GCSAML: variants seen among roughly 807,000 people sequenced by gnomAD.
GCSAML encodes the protein germinal center associated signaling and motility like.
Under a neutral mutation model 13.0 loss-of-function variants are expected in GCSAML, and 9 were observed. The observed-to-expected ratio is 0.69, with a 90% CI of 0.42 to 1.21. The LOEUF is 1.21. Among genes scored for constraint, GCSAML ranks in the 50% most tolerant of loss-of-function variants. GCSAML has a pLI of 0.00. For missense variants in GCSAML, 143 were observed against 153.4 expected, an observed-to-expected ratio of 0.93 and a Z score of 0.36; for synonymous variants, 37 against 52.9, an observed-to-expected ratio of 0.70 and a Z score of 1.31.
intron 1 of GCSAML, among the ~76,000 whole-genome samples, chr1:247,509,333 T>C (rs1665931453): frequency 6.6e-6 from 1 of 152,216 alleles, no homozygotes; most frequent in Non-Finnish European, 1.5e-5. Flanking sequence ...ATAGAAATGC[T>C]TGTGAGTTTT....
At chr1:247,535,507 A>C (rs1667185032) in intron 2 of GCSAML, among the ~76,000 whole-genome samples, 1 of 152,212 alleles carries the variant, frequency 6.6e-6, no homozygotes, top group Non-Finnish European at 1.5e-5. Flanking sequence ...CAACAGGTTA[A>C]ACTGACAACT....
intron 1 of GCSAML, among the ~76,000 whole-genome samples, chr1:247,522,219 G>A (rs191370740): frequency 0.19 from 22,119 of 116,374 alleles, 2,273 homozygotes; most frequent in East Asian, 0.52. Flanking sequence ...GGCAGCCCCC[G>A]CCCAGCCAGC....
chr1:247,525,974 G>A (rs1483833277), intron 1 of GCSAML: 1 of 152,170 alleles, frequency 6.6e-6, no homozygotes, highest in Non-Finnish European at 1.5e-5. Context: ...ATATACATGT[G>A]AATACCATTT....
chr1:247,568,402 G>A (rs1668471178), intron 4 of GCSAML, among the ~76,000 whole-genome samples: 1 of 152,146 alleles, frequency 6.6e-6, no homozygotes, highest in Non-Finnish European at 1.5e-5. Flanking sequence ...TGGCTAGCCA[G>A]TTTTCCTAAC....
chr1:247,532,265 G>C, intron 2 of GCSAML: 1 of 1,614,238 alleles, frequency 6.2e-7, no homozygotes, highest in Non-Finnish European at 8.5e-7. Context: ...AGGTTAGCCA[G>C]GAGCTGTGGG....
intron 1 of GCSAML, chr1:247,525,702 A>G (rs905794660): frequency 2.0e-5 from 3 of 152,204 alleles, no homozygotes; most frequent in African/African-American, 7.2e-5. Context: ...TGTAGGCATG[A>G]CTGATTAAAT....
rs374619204 is a variant in GCSAML at position 247,558,193 on chromosome 1, G to T, written c.89+1727G>T. On this transcript the variant is annotated intron_variant, in intron 2 of 4. Coordinates refer to ENST00000366488, the MANE Select transcript of GCSAML (RefSeq NM_145278.5). ...AACCATTTTACCATTCTAGTCAATT[G>T]CAGTCAAATATGTGTTGCATGTGGG... 3.3e-5 allele frequency among the ~76,000 whole-genome samples: 5 copies of T among 152,322 alleles called. No homozygotes were observed. In the East Asian group the frequency reaches 7.7e-4, roughly 24 times the overall value.
At chr1:247,507,764 T>C (rs1572270209) in intron 1 of GCSAML, among the ~76,000 whole-genome samples, 1 of 152,184 alleles carries the variant, frequency 6.6e-6, no homozygotes, top group East Asian at 1.9e-4. Flanking sequence ...AAACATGTGG[T>C]GTTTGGTTTT....
chr1:247,519,577 A>C (rs116682566), intron 1 of GCSAML, among the ~76,000 whole-genome samples: 1 of 152,246 alleles, frequency 6.6e-6, no homozygotes, highest in South Asian at 2.1e-4. Flanking sequence ...ATTTCAGGTT[A>C]TATGTCACTT....
chr1:247,559,969 T>G (rs1385582449), intron 2 of GCSAML, among the ~76,000 whole-genome samples: 2 of 152,196 alleles, frequency 1.3e-5, no homozygotes, highest in African/African-American at 4.8e-5. Flanking sequence ...GGATTAGGAC[T>G]TCAACATGTG....
chr1:247,563,496 C>A, intron 2 of GCSAML, 94 bp from the exon 3 acceptor site: 1 of 630,648 alleles, frequency 1.6e-6, no homozygotes, highest in South Asian at 2.4e-5. Context: ...CTAACAATGG[C>A]CTTAGGTTAA....
At chr1:247,562,499 C>T (rs558136713) in intron 2 of GCSAML, among the ~76,000 whole-genome samples, 1 of 152,294 alleles carries the variant, frequency 6.6e-6, no homozygotes, top group East Asian at 1.9e-4. Context: ...GCCAGACAGA[C>T]TTCCAAGAGG....
intron 2 of GCSAML, chr1:247,531,529 C>T (rs1666952007): frequency 6.2e-7 from 1 of 1,604,502 alleles, no homozygotes; most frequent in Admixed American, 1.7e-5. Context: ...GATCTTCCTT[C>T]TCAGAAGGCA....
intron 1 of GCSAML, among the ~76,000 whole-genome samples, chr1:247,510,145 G>A (rs1665980100): frequency 1.3e-5 from 2 of 152,018 alleles, no homozygotes; most frequent in Non-Finnish European, 2.9e-5. Context: ...GCTTTTTTTG[G>A]TTGACAGGCC....
At chr1:247,515,290 T>C (rs1033896837) in intron 1 of GCSAML, among the ~76,000 whole-genome samples, 9 of 152,242 alleles carry the variant, frequency 5.9e-5, no homozygotes, top group African/African-American at 1.4e-4. Flanking sequence ...GACAAAGTAA[T>C]TGAAGAAAAG....
At chr1:247,535,034 G>A (rs1253841076) in intron 2 of GCSAML, among the ~76,000 whole-genome samples, 5 of 152,142 alleles carry the variant, frequency 3.3e-5, no homozygotes, top group Admixed American at 1.3e-4. Context: ...GAGGCAAGCC[G>A]GGGGCGGTGG....
At chr1:247,533,164 A>T (rs553704957) in intron 2 of GCSAML, among the ~76,000 whole-genome samples, 225 of 152,160 alleles carry the variant, frequency 1.5e-3, no homozygotes, top group African/African-American at 5.2e-3. Context: ...CCATCTTGCC[A>T]TCATTTATCA....
Position 247,513,035 on chromosome 1 carries a change from C to T in GCSAML, c.-263+5802C>T, listed in dbSNP as rs147900618. Among the ~76,000 whole-genome samples the T allele has an allele frequency of 5.7e-3, 871 of 152,270 alleles. 6 individuals are homozygous for T. Among genetic ancestry groups the T allele is most frequent in the Non-Finnish European group, 6.1e-3 (418 of 68,018 alleles). On this transcript the variant is annotated intron_variant, in intron 1 of 5. Coordinates refer to the GCSAML transcript ENST00000366489. Reference sequence around the variant, plus strand: ...AGTCTGTCCCTTAGCAGAGCTTGAGCGCTGTGTTGGGAGATCCATTGCTCT... The same window carrying T: ...AGTCTGTCCCTTAGCAGAGCTTGAGTGCTGTGTTGGGAGATCCATTGCTCT...
chr1:247,538,479 A>G (rs554352837), intron 2 of GCSAML, among the ~76,000 whole-genome samples: 3 of 152,332 alleles, frequency 2.0e-5, no homozygotes, highest in African/African-American at 4.8e-5. Flanking sequence ...CCCTACACCC[A>G]TTCATATGTT....
Sources: gnomAD v4.1 joint callset for allele counts (sites outside exome capture counted in the v4.1 genomes callset) on GRCh38, gnomAD v4.1.1 for gene constraint, MANE v1.5 for transcripts, NCBI Gene and HGNC (gene_info 2026-07-23, HGNC 2026-07-21) for gene names.